The following WDR19 variants were observed in gnomAD, a reference collection of about 807,000 sequenced individuals.
The protein encoded by WDR19 is WD repeat-containing protein 19.
A neutral mutation model predicts 180.0 loss-of-function variants in WDR19; 121 were observed. That is an observed-to-expected ratio of 0.67 (90% CI 0.58 to 0.78). The LOEUF (loss-of-function observed/expected upper bound fraction) is 0.78, where lower values mean the gene tolerates loss of function less well. Ranked by LOEUF, WDR19 falls within the 30% of genes least tolerant of loss-of-function variation. The pLI, the probability that WDR19 is intolerant of heterozygous loss-of-function variation, is 0.00. For missense variants in WDR19, 1,450 were observed against 1,640.7 expected, an observed-to-expected ratio of 0.88 and a Z score of 2.01; for synonymous variants, 497 against 540.7, an observed-to-expected ratio of 0.92 and a Z score of 1.12.
chr4:39,253,792 A>AT, intron 25 of WDR19, 114 bp from the exon 26 acceptor site: 2 of 845,988 alleles, frequency 2.4e-6, no homozygotes, highest in Non-Finnish European at 3.5e-6. Context: ...AAAAAAAAAA[A>AT]GAACTGCAAT....
At position 39,226,774 on chromosome 4, in the gene WDR19, C is replaced by A. The variant is rs1489325165; in HGVS notation, c.1630-1436C>A. On this transcript the variant is annotated intron_variant, in intron 15 of 36. Coordinates refer to ENST00000399820, the MANE Select transcript of WDR19 (RefSeq NM_025132.4). ...CTGTCCAATACAAATATAATGTGAA[C>A]CAAATATGTAATTAAAAATTTTCTA... Among the ~76,000 whole-genome samples, 4 of 151,960 alleles carry A rather than the reference C, an allele frequency of 2.6e-5. No individual in the cohort carries two copies. In the East Asian group the frequency reaches 7.7e-4, roughly 29 times the overall value.
Position 39,189,636 on chromosome 4 carries a change from T to C in WDR19, c.165-20T>C, listed in dbSNP as rs1725938609. 1.3e-6 allele frequency: 2 copies of C among 1,570,852 alleles called. No individual in the cohort carries two copies. Among genetic ancestry groups the C allele is most frequent in the East Asian group, 4.5e-5 (2 of 44,032 alleles). On this transcript the variant is annotated intron_variant, in intron 3 of 36. Transcript: ENST00000399820. ...ACTTTAAAAAACTGTATAGTGGTATTTTGCTCTCTTTTTTAAAAGTAACTG... is the reference window on the plus strand; with the variant it reads ...ACTTTAAAAAACTGTATAGTGGTATCTTGCTCTCTTTTTTAAAAGTAACTG...
intron 20 of WDR19, among the ~76,000 whole-genome samples, chr4:39,238,260 C>A (rs954279031): frequency 6.6e-6 from 1 of 152,160 alleles, no homozygotes; most frequent in Non-Finnish European, 1.5e-5. Context: ...AGTCTTGTTT[C>A]ATTATGCATC....
At chr4:39,220,559 GATTTT>G (rs1729565662) in intron 14 of WDR19, among the ~76,000 whole-genome samples, 6 of 39,802 alleles carry the variant, frequency 1.5e-4, no homozygotes, top group African/African-American at 4.6e-4. Context: ...AGACCTCCTT[GATTTT>G]TTTTTTTTTT....
chr4:39,210,769 A>G (rs920677915), intron 9 of WDR19, among the ~76,000 whole-genome samples: 1 of 152,234 alleles, frequency 6.6e-6, no homozygotes, highest in African/African-American at 2.4e-5. Flanking sequence ...AAAGCATTGC[A>G]CAAAGTCCAG....
At chr4:39,241,505 A>AG (rs1162223037) in intron 21 of WDR19, among the ~76,000 whole-genome samples, 2 of 150,790 alleles carry the variant, frequency 1.3e-5, no homozygotes, top group East Asian at 3.9e-4. Context: ...AAAAAAAAAA[A>AG]AAAAAGTGGG....
intron 33 of WDR19, among the ~76,000 whole-genome samples, chr4:39,275,565 C>G (rs1417460189): frequency 6.6e-6 from 1 of 152,132 alleles, no homozygotes; most frequent in Non-Finnish European, 1.5e-5. Context: ...GGCAAGACAT[C>G]TGCCACACCC....
intron 1 of WDR19, among the ~76,000 whole-genome samples, chr4:39,183,867 G>GA (rs539674177): frequency 8.0e-4 from 121 of 151,922 alleles, no homozygotes; most frequent in Admixed American, 1.4e-3. Context: ...GAGCTCCACT[G>GA]AAAAAAAATA....
chr4:39,232,915 G>A (rs2109370867), intron 19 of WDR19, among the ~76,000 whole-genome samples: 1 of 152,220 alleles, frequency 6.6e-6, no homozygotes, highest in South Asian at 2.1e-4. Flanking sequence ...GGTATAAAAT[G>A]CATGGTATTA....
intron 7 of WDR19, among the ~76,000 whole-genome samples, chr4:39,204,078 G>GTTT (rs368834274): frequency 6.7e-6 from 1 of 148,960 alleles, no homozygotes; most frequent in African/African-American, 2.5e-5. Flanking sequence ...TTGTAGGCTT[G>GTTT]TTTTTTTTTG....
intron 20 of WDR19, among the ~76,000 whole-genome samples, chr4:39,236,778 C>G (rs1464692635): frequency 6.6e-6 from 1 of 152,294 alleles, no homozygotes; most frequent in South Asian, 2.1e-4. Flanking sequence ...ACAAATCTCT[C>G]TTGCCTTTGG....
intron 20 of WDR19, among the ~76,000 whole-genome samples, chr4:39,237,522 C>T (rs932869250): frequency 4.6e-5 from 7 of 152,066 alleles, no homozygotes; most frequent in African/African-American, 1.4e-4. Flanking sequence ...GCTGTGATCA[C>T]GCCACTACCC....
chr4:39,212,730 A>G (rs1305447875), intron 9 of WDR19, among the ~76,000 whole-genome samples: 3 of 152,248 alleles, frequency 2.0e-5, no homozygotes, highest in South Asian at 4.1e-4. Context: ...GAATATGTAA[A>G]GGACTCTCAA....
At chr4:39,185,301 C>T (rs1725396425) in intron 1 of WDR19, among the ~76,000 whole-genome samples, 1 of 152,176 alleles carries the variant, frequency 6.6e-6, no homozygotes, top group Admixed American at 6.5e-5. Context: ...GGAGTAAAGA[C>T]ATTTTGTGTT....
Position 39,214,773 on chromosome 4 carries a change from A to T in WDR19, c.961+102A>T, listed in dbSNP as rs746296246. On this transcript the variant is annotated intron_variant, in intron 10 of 36. Transcript: ENST00000399820. ...ATTTGCATTCGTTGTAGGAGGAATAATTTTTTTTTTTTTTTTTGAGATGGA... is the reference window on the plus strand; with the variant it reads ...ATTTGCATTCGTTGTAGGAGGAATATTTTTTTTTTTTTTTTTTGAGATGGA... 7.0e-3 allele frequency: 3,536 copies of T among 504,364 alleles called. 11 individuals carry two copies. Among genetic ancestry groups the T allele is most frequent in the Non-Finnish European group, 8.8e-3 (2,561 of 292,012 alleles). 31.2% of individuals were successfully genotyped at this position (504,364 alleles called of 1,614,324 possible). A position where few individuals can be genotyped will look rare whatever the true frequency, so the allele number is the denominator to read the frequency against.
intron 8 of WDR19, 121 bp from the exon 9 acceptor site, chr4:39,205,423 TAGTATATTATCTGACACAA>T: frequency 8.5e-7 from 1 of 1,176,012 alleles, no homozygotes; most frequent in Non-Finnish European, 1.2e-6. Flanking sequence ...CAAAACTACC[TAGTATATTATCTGACACAA>T]AGTAGGCCCT....
In WDR19 at chr4:39,205,711, A is replaced by G. The variant is rs778150036; in HGVS notation, c.865A>G (p.Lys289Glu). 1 of 1,606,810 alleles carries G rather than the reference A, an allele frequency of 6.2e-7. No homozygotes were observed. Among genetic ancestry groups the G allele is most frequent in the Non-Finnish European group, 8.5e-7 (1 of 1,176,220 alleles). The change falls in exon 9 of 37, where the codon AAA becomes GAA. Residue 289 changes from lysine (K) to glutamate (E), a missense_variant. Lys to Glu is a moderately conservative substitution (Grantham distance 56). Transcript: ENST00000399820. ...CATTGCAGTATCACAGACTCTTAAC[A>G]AAGTTGCTACATGTGGAGATAACTG... ...TSIAVSQTLN[K>E]VATCGDNCIK... is the part of the protein sequence containing the mutation.
At chr4:39,185,065 T>C (rs1252090312) in intron 1 of WDR19, among the ~76,000 whole-genome samples, 2 of 152,352 alleles carry the variant, frequency 1.3e-5, no homozygotes, top group Middle Eastern at 3.4e-3. Context: ...AAATCTGATA[T>C]ACATTTTATA....
chr4:39,214,592 G>A lies in WDR19; in HGVS notation c.891-9G>A. On this transcript the variant is annotated splice_polypyrimidine_tract_variant and intron_variant, in intron 9 of 36. Transcript: ENST00000399820. ...ATATATTTTTTAATAATGCATTTTT[G>A]TTTTTCAGCATTAAAATCCAAGACT... The A allele has an allele frequency of 6.7e-7, 1 of 1,488,444 alleles. No homozygotes were observed. Among genetic ancestry groups the A allele is most frequent in the Non-Finnish European group, 9.2e-7 (1 of 1,086,002 alleles). 92.2% of individuals were successfully genotyped at this position (1,488,444 alleles called of 1,614,324 possible).
Sources: gnomAD v4.1 joint callset for allele counts (sites outside exome capture counted in the v4.1 genomes callset) on GRCh38, gnomAD v4.1.1 for gene constraint, MANE v1.5 for transcripts, NCBI Gene and HGNC (gene_info 2026-07-23, HGNC 2026-07-21) for gene names.